The following SAMD7 variants were observed in gnomAD, a reference collection of about 807,000 sequenced individuals.
SAMD7 encodes the protein sterile alpha motif domain containing 7.
SAMD7 carries 34 observed loss-of-function variants against 36.7 expected under a neutral mutation model. The observed-to-expected ratio is 0.93, with a 90% CI of 0.71 to 1.23. The LOEUF (loss-of-function observed/expected upper bound fraction) is 1.23, where lower values mean the gene tolerates loss of function less well. Among genes scored for constraint, SAMD7 ranks in the 50% most tolerant of loss-of-function variants. The pLI is 0.00. For missense variants in SAMD7, 570 were observed against 546.6 expected (o/e 1.04, Z -0.43); for synonymous variants, 188 against 189.7 (o/e 0.99, Z 0.07).
chr3:169,926,539 T>A lies in SAMD7; in HGVS notation c.291-14T>A, dbSNP rs1379578151. On this transcript the variant is annotated splice_polypyrimidine_tract_variant and intron_variant, in intron 5 of 8. Coordinates refer to ENST00000335556, the MANE Select transcript of SAMD7 (RefSeq NM_001304366.2). ...TTTTCTTGGGCTGTATAAAATATAT[T>A]GTTTTGTTTTTAGGACAGAAATGGA... 1 of 1,593,744 alleles carries A rather than the reference T, an allele frequency of 6.3e-7. No individual in the cohort carries two copies. The highest frequency in any genetic ancestry group is 2.2e-5 in the East Asian group (1 of 44,594).
In SAMD7 at chr3:169,938,490, G is replaced by T. The variant is rs776118861; in HGVS notation, c.1325G>T (p.Gly442Val). ...DTIIPKGIER[G>V]SMRN Reference sequence around the variant, plus strand: ...ATAATTCCTAAAGGAATTGAGCGAGGTAGTATGAGAAACTAAAAGCCCTCA... The same window carrying T: ...ATAATTCCTAAAGGAATTGAGCGAGTTAGTATGAGAAACTAAAAGCCCTCA... Residue 442 changes from glycine (G) to valine (V), a missense_variant, in exon 9 of 9, where the codon GGT becomes GTT. Transcript: ENST00000335556. 1 of 1,609,270 alleles carries T rather than the reference G, an allele frequency of 6.2e-7. No homozygotes were observed. Among genetic ancestry groups the T allele is most frequent in the Non-Finnish European group, 8.5e-7 (1 of 1,177,354 alleles).
chr3:169,923,736 C>T (rs1456504265), intron 4 of SAMD7, among the ~76,000 whole-genome samples: 1 of 152,136 alleles, frequency 6.6e-6, no homozygotes, highest in East Asian at 1.9e-4. Flanking sequence ...TAGGTCAGGT[C>T]TCCAACCTCA....
intron 7 of SAMD7, chr3:169,932,168 C>A: frequency 1.6e-6 from 1 of 617,598 alleles, no homozygotes; most frequent in Non-Finnish European, 2.9e-6. Context: ...GAGCTGTCAC[C>A]CAAGTTGGAC....
intron 3 of SAMD7, among the ~76,000 whole-genome samples, chr3:169,921,009 T>G (rs1388743675): frequency 6.6e-6 from 1 of 152,200 alleles, no homozygotes; most frequent in Admixed American, 6.5e-5. Context: ...GTCAGCTGGG[T>G]CAATCCTTCG....
chr3:169,927,991 C>G (rs1464624436), intron 6 of SAMD7, among the ~76,000 whole-genome samples: 1 of 152,062 alleles, frequency 6.6e-6, no homozygotes, highest in African/African-American at 2.4e-5. Flanking sequence ...TTCTAGCACT[C>G]CTTTAGATAA....
chr3:169,919,651 T>A, intron 3 of SAMD7, 67 bp downstream of exon 3: 1 of 1,274,216 alleles, frequency 7.8e-7, no homozygotes, highest in Non-Finnish European at 1.1e-6. Flanking sequence ...TTTGGAATGA[T>A]GTTAAGTCTA....
intron 6 of SAMD7, 75 bp downstream of exon 6, chr3:169,927,256 C>G (rs1239136624): frequency 5.9e-5 from 44 of 750,958 alleles, no homozygotes; most frequent in Non-Finnish European, 8.7e-5. Context: ...ACATAATAAA[C>G]TGTAACCATC....
intron 7 of SAMD7, among the ~76,000 whole-genome samples, chr3:169,928,987 G>T (rs1316021948): frequency 6.6e-6 from 1 of 152,188 alleles, no homozygotes; most frequent in Non-Finnish European, 1.5e-5. Flanking sequence ...GTAAGTAACA[G>T]GAATATATAC....
intron 2 of SAMD7, among the ~76,000 whole-genome samples, chr3:169,918,685 T>C (rs1345979029): frequency 6.6e-6 from 1 of 152,256 alleles, no homozygotes; most frequent in African/African-American, 2.4e-5. Context: ...GTGCAGTCTG[T>C]ATCCCTTCTA....
chr3:169,928,466 C>T lies in SAMD7; in HGVS notation c.929C>T (p.Ala310Val). 3 of 1,611,368 alleles carry T rather than the reference C, an allele frequency of 1.9e-6. No individual in the cohort carries two copies. The highest frequency in any genetic ancestry group is 2.5e-6 in the Non-Finnish European group (3 of 1,177,510). Reference sequence around the variant, plus strand: ...TCTTTCCATTTTAAAGGAACACATGCACTGGTTACAATTGGGGGGAATCTT... The same window carrying T: ...TCTTTCCATTTTAAAGGAACACATGTACTGGTTACAATTGGGGGGAATCTT... ...VPRPSLPGTH[A>V]LVTIGGNLSL... Residue 310 changes from alanine (A) to valine (V), a missense_variant, in exon 7 of 9, where the codon GCA becomes GTA. Coordinates refer to ENST00000335556, the MANE Select transcript of SAMD7 (RefSeq NM_001304366.2).
chr3:169,926,826 AG>A lies in SAMD7; in HGVS notation c.567del (p.Asn190IlefsTer5). The A allele has an allele frequency of 6.2e-7, 1 of 1,613,964 alleles. No homozygotes were observed. The highest frequency in any genetic ancestry group is 8.5e-7 in the Non-Finnish European group (1 of 1,180,002). On this transcript the variant is annotated frameshift_variant, in exon 6 of 9. Transcript: ENST00000335556. LOFTEE classifies it high-confidence loss of function. Reference protein sequence around the residue: ...QRCRRLRKNTGNQKALDSDAE... With the variant: ...QRCRRLRKNTXNQKALDSDAE... ...GATGTCGTCGACTCAGGAAAAATAC[AG>A]GGAATCAAAAAGCTCTAGACAGTGA...
chr3:169,925,422 A>T (rs1480793202), intron 5 of SAMD7, among the ~76,000 whole-genome samples: 1 of 151,946 alleles, frequency 6.6e-6, no homozygotes, highest in Non-Finnish European at 1.5e-5. Flanking sequence ...TTGGTTAAGG[A>T]TAAAAGCAAG....
At chr3:169,915,986 G>A (rs890510376) in intron 2 of SAMD7, among the ~76,000 whole-genome samples, 1 of 152,142 alleles carries the variant, frequency 6.6e-6, no homozygotes, top group Admixed American at 6.6e-5. Context: ...CATAATCCAT[G>A]AAGCCACCAC....
intron 2 of SAMD7, among the ~76,000 whole-genome samples, chr3:169,917,391 T>C (rs1663543940): frequency 6.6e-6 from 1 of 152,126 alleles, no homozygotes; most frequent in Admixed American, 6.5e-5. Context: ...TGCAGGTATC[T>C]CAGATTTTTA....
rs1713201913 is a variant in SAMD7 at position 169,925,100 on chromosome 3, G to A, written c.254G>A (p.Arg85Lys). ...LPPESIKAVA[R>K]RNEMIQRHHT... ...CCTGAATCCATAAAGGCAGTGGCCA[G>A]AAGGAATGAAATGATTCAACGGCAT... Residue 85 changes from arginine (R) to lysine (K), a missense_variant, in exon 5 of 9, where the codon AGA (arginine) becomes AAA (lysine). Transcript: ENST00000335556. The A allele has an allele frequency of 6.2e-7, 1 of 1,612,042 alleles. No individual in the cohort carries two copies.
At chr3:169,920,229 AAAC>A (rs1284473620) in intron 3 of SAMD7, among the ~76,000 whole-genome samples, 1 of 152,214 alleles carries the variant, frequency 6.6e-6, no homozygotes, top group East Asian at 1.9e-4. Context: ...TGGATGGTTT[AAAC>A]AACGGAACTT....
rs1023952720 is a variant in SAMD7, at chr3:169,921,206, G to A, written c.87-8G>A. On this transcript the variant is annotated splice_region_variant and splice_polypyrimidine_tract_variant and intron_variant, in intron 3 of 8. Coordinates refer to ENST00000335556, the MANE Select transcript of SAMD7 (RefSeq NM_001304366.2). The stretch of plus-strand genomic sequence containing the variant: ...TACCTATTTTATTTTATATCTTTTT[G>A]TTCTCAGAGATGTATTGCCTTCCAC... 1 of 1,612,750 alleles carries A rather than the reference G, an allele frequency of 6.2e-7. No homozygotes were observed. Among genetic ancestry groups the A allele is most frequent in the Admixed American group, 1.7e-5 (1 of 59,864 alleles).
intron 5 of SAMD7, chr3:169,926,230 C>T (rs1452448516): frequency 1.5e-6 from 2 of 1,310,976 alleles, no homozygotes; most frequent in Non-Finnish European, 2.0e-6. Context: ...AAACCTCTTC[C>T]CAGTACTTTA....
intron 7 of SAMD7, chr3:169,932,128 T>G: frequency 1.8e-6 from 1 of 554,540 alleles, no homozygotes; most frequent in East Asian, 3.9e-5. Context: ...CCTGAGGGCT[T>G]TTCACCGAAT....
Sources: gnomAD v4.1 joint callset for allele counts (sites outside exome capture counted in the v4.1 genomes callset) on GRCh38, gnomAD v4.1.1 for gene constraint, MANE v1.5 for transcripts, NCBI Gene and HGNC (gene_info 2026-07-23, HGNC 2026-07-21) for gene names.